SRGAP1: variants seen among roughly 807,000 people sequenced by gnomAD.
SRGAP1 encodes SLIT-ROBO Rho GTPase-activating protein 1.
Under a neutral mutation model 121.9 loss-of-function variants are expected in SRGAP1, and 43 were observed. The ratio of observed to expected loss-of-function variants is 0.35; its 90% CI spans 0.28 to 0.46. The LOEUF (loss-of-function observed/expected upper bound fraction) is 0.46, where lower values mean the gene tolerates loss of function less well. SRGAP1 is among the 20% of genes least tolerant of loss of function. The pLI, the probability that SRGAP1 is intolerant of heterozygous loss-of-function variation, is 1.00. For synonymous variants in SRGAP1, 447 were observed against 485.4 expected, an observed-to-expected ratio of 0.92 and a Z score of 1.04; for missense variants, 1,102 against 1,350.9, an observed-to-expected ratio of 0.82 and a Z score of 2.89.
chr12:64,106,213 C>G (rs2036343206), intron 15 of SRGAP1, among the ~76,000 whole-genome samples: 1 of 152,146 alleles, frequency 6.6e-6, no homozygotes, highest in Non-Finnish European at 1.5e-5. Context: ...CCAAGATTCT[C>G]AATAAACAGC....
chr12:64,098,608 T>G (rs1364737786), intron 15 of SRGAP1, among the ~76,000 whole-genome samples: 1 of 151,796 alleles, frequency 6.6e-6, no homozygotes, highest in Non-Finnish European at 1.5e-5. Context: ...AGGCAGAGAT[T>G]GCAGTGAGCC....
At chr12:64,070,532 CCT>C (rs2035619744) in intron 8 of SRGAP1, among the ~76,000 whole-genome samples, 1 of 152,072 alleles carries the variant, frequency 6.6e-6, no homozygotes, top group African/African-American at 2.4e-5. Context: ...GATTTACCAC[CCT>C]GAGGGGAATG....
chr12:63,916,178 C>T (rs973940364), intron 1 of SRGAP1, among the ~76,000 whole-genome samples: 6 of 151,836 alleles, frequency 4.0e-5, no homozygotes, highest in Non-Finnish European at 5.9e-5. Context: ...GACCACAAGG[C>T]ATGTGCCACC....
chr12:64,054,831 C>T (rs11175244), intron 6 of SRGAP1, among the ~76,000 whole-genome samples: 32,837 of 150,110 alleles, frequency 0.22, 3,570 homozygotes, highest in Non-Finnish European at 0.26. Flanking sequence ...TGGTGCACTG[C>T]ACCCACTAAC....
intron 1 of SRGAP1, among the ~76,000 whole-genome samples, chr12:63,974,265 C>T (rs1365692378): frequency 6.6e-6 from 1 of 152,038 alleles, no homozygotes; most frequent in Non-Finnish European, 1.5e-5. Flanking sequence ...GTTTTCCATA[C>T]TTTATCTAAA....
intron 1 of SRGAP1, among the ~76,000 whole-genome samples, chr12:63,860,980 C>T (rs372608156): frequency 1.1e-4 from 17 of 152,084 alleles, no homozygotes; most frequent in African/African-American, 2.9e-4. Flanking sequence ...GGAGTGCAGG[C>T]GCAGACCGCC....
chr12:64,032,484 A>G, intron 4 of SRGAP1: 1 of 1,059,568 alleles, frequency 9.4e-7, no homozygotes, highest in Non-Finnish European at 1.4e-6. Context: ...TCAGAAGAGA[A>G]CTGGTTTATC....
At chr12:63,960,593 C>A (rs753882708) in intron 1 of SRGAP1, among the ~76,000 whole-genome samples, 9 of 152,120 alleles carry the variant, frequency 5.9e-5, no homozygotes, top group Non-Finnish European at 1.2e-4. Context: ...ATGGCTCCCC[C>A]AAAGATGTTC....
intron 1 of SRGAP1, among the ~76,000 whole-genome samples, chr12:63,888,933 C>T (rs777430573): frequency 6.6e-6 from 1 of 152,228 alleles, no homozygotes; most frequent in Non-Finnish European, 1.5e-5. Context: ...TTGCACCCGG[C>T]AGCCAGAATG....
At chr12:64,038,540 A>G (rs996366404) in intron 4 of SRGAP1, 3 of 152,232 alleles carry the variant, frequency 2.0e-5, no homozygotes, top group African/African-American at 7.2e-5. Flanking sequence ...TCAGATATAT[A>G]GTGATTTCTT....
At chr12:63,933,487 G>A (rs1332863340) in intron 1 of SRGAP1, among the ~76,000 whole-genome samples, 1 of 152,102 alleles carries the variant, frequency 6.6e-6, no homozygotes, top group Non-Finnish European at 1.5e-5. Context: ...ATCCCTAGCT[G>A]AGATTTAGAA....
intron 1 of SRGAP1, among the ~76,000 whole-genome samples, chr12:63,875,384 A>G (rs1237672849): frequency 6.6e-6 from 1 of 152,200 alleles, no homozygotes; most frequent in Non-Finnish European, 1.5e-5. Context: ...CCAATAATCA[A>G]GCTGTAAAAA....
chr12:63,870,533 A>ATTTTTTT (rs1216674448), intron 1 of SRGAP1, among the ~76,000 whole-genome samples: 1 of 100,808 alleles, frequency 9.9e-6, no homozygotes, highest in Non-Finnish European at 2.0e-5. Flanking sequence ...CCCTATCTTG[A>ATTTTTTT]TTTTTTTTTT....
intron 12 of SRGAP1, chr12:64,091,992 G>A: frequency 7.5e-7 from 1 of 1,330,468 alleles, no homozygotes; most frequent in Non-Finnish European, 1.0e-6. Flanking sequence ...TCGTGCTCAT[G>A]CTTGGCTTTA....
chr12:64,142,555 C>T lies in SRGAP1; in HGVS notation c.3141C>T (p.Gly1047=), dbSNP rs761367082. The T allele has an allele frequency of 2.0e-5, 33 of 1,614,080 alleles. No individual in the cohort carries two copies. Among genetic ancestry groups the T allele is most frequent in the Middle Eastern group, 1.6e-4 (1 of 6,084 alleles). ...AGCCTATGGTGGCACCCAGAATGGG[C>T]GTGCAGCTGAAGCCTCCAGCCCTTA... The part of the protein sequence containing the change: ...TFKPMVAPRM[G]VQLKPPALRP... The change falls in exon 22 of 22, where the codon GGC becomes GGT. Residue 1047 remains glycine (G), a synonymous_variant. Transcript: ENST00000355086.
chr12:63,910,345 A>G (rs188175659), intron 1 of SRGAP1, among the ~76,000 whole-genome samples: 1 of 152,298 alleles, frequency 6.6e-6, no homozygotes, highest in East Asian at 1.9e-4. Context: ...CAGCCCAATT[A>G]TTTTCACTAA....
At chr12:63,845,049 T>G (rs1053707515) in intron 1 of SRGAP1, among the ~76,000 whole-genome samples, 166 bp downstream of exon 1, 1 of 152,028 alleles carries the variant, frequency 6.6e-6, no homozygotes, top group Non-Finnish European at 1.5e-5. Context: ...AGTTCCCAGT[T>G]GCAATCCCAG....
intron 1 of SRGAP1, among the ~76,000 whole-genome samples, chr12:63,924,351 C>T (rs1565952381): frequency 6.6e-6 from 1 of 152,136 alleles, no homozygotes; most frequent in Non-Finnish European, 1.5e-5. Flanking sequence ...TAAAGTACCT[C>T]TCATCCCAAC....
intron 12 of SRGAP1, 55 bp from the exon 13 acceptor site, chr12:64,094,877 A>G (rs140704709): frequency 1.3e-6 from 2 of 1,488,190 alleles, no homozygotes; most frequent in African/African-American, 1.4e-5. Flanking sequence ...CCTTATTATT[A>G]TGAGGCATTT....
Sources: gnomAD v4.1 joint callset for allele counts (sites outside exome capture counted in the v4.1 genomes callset) on GRCh38, gnomAD v4.1.1 for gene constraint, MANE v1.5 for transcripts, NCBI Gene and HGNC (gene_info 2026-07-23, HGNC 2026-07-21) for gene names.